Variants in CPEB1 observed in about 807,000 individuals in gnomAD.
The protein encoded by CPEB1 is cytoplasmic polyadenylation element binding protein 1, also known as cytoplasmic polyadenylation element-binding protein 1.
A neutral mutation model predicts 65.8 loss-of-function variants in CPEB1; 7 were observed. The ratio of observed to expected loss-of-function variants is 0.11; its 90% confidence interval spans 0.06 to 0.20. CPEB1 has a LOEUF of 0.20. Ranked by LOEUF, CPEB1 falls within the 10% of genes least tolerant of loss-of-function variation. The pLI, the probability that CPEB1 is intolerant of heterozygous loss-of-function variation, is 1.00. For missense variants in CPEB1, 551 were observed against 712.2 expected (o/e 0.77, Z 2.58); for synonymous variants, 262 against 260.0 (o/e 1.01, Z -0.08).
chr15:82,555,379 T>C (rs2037017281), intron 6 of CPEB1, among the ~76,000 whole-genome samples: 1 of 152,190 alleles, frequency 6.6e-6, no homozygotes, highest in African/African-American at 2.4e-5. Flanking sequence ...CTTTAGAGGT[T>C]GACAAATGGA....
intron 1 of CPEB1, chr15:82,637,865 G>T (rs2046789479): frequency 2.2e-5 from 8 of 355,644 alleles, no homozygotes; most frequent in South Asian, 1.8e-4. Context: ...AGCTTTTTGT[G>T]TAAGTAGGTC....
At chr15:82,641,786 A>G (rs191596206) in intron 1 of CPEB1, 1 of 152,142 alleles carries the variant, frequency 6.6e-6, no homozygotes, top group East Asian at 1.9e-4. Flanking sequence ...AAGGTTATCC[A>G]TGCCTAAGTG....
At chr15:82,547,336 G>C in intron 10 of CPEB1, 99 bp from the exon 11 acceptor site, 1 of 651,448 alleles carries the variant, frequency 1.5e-6, no homozygotes, top group Non-Finnish European at 2.4e-6. Context: ...TCGCTCTTTC[G>C]CCCAGGCTGG....
At chr15:82,544,972 C>CT (rs1204166375) in intron 12 of CPEB1, among the ~76,000 whole-genome samples, 1 of 152,202 alleles carries the variant, frequency 6.6e-6, no homozygotes, top group African/African-American at 2.4e-5. Context: ...CTCTTATCCC[C>CT]TCTAACCATG....
chr15:82,623,964 T>C (rs981120995), intron 3 of CPEB1, among the ~76,000 whole-genome samples: 2 of 152,224 alleles, frequency 1.3e-5, no homozygotes, highest in Non-Finnish European at 2.9e-5. Flanking sequence ...CTAGTTATAA[T>C]GCTGTCCATA....
At chr15:82,648,064 G>C (rs1018167062), upstream of CPEB1, 2 of 397,756 alleles carry the variant, frequency 5.0e-6, no homozygotes, top group African/African-American at 2.1e-5. Context: ...GGCCCCGCCC[G>C]GGCCCTCGCC....
rs542343002 is a variant in CPEB1, at chr15:82,552,446, C to A, written c.1281+34G>T. ...AATCCAGTGCCTCAATATTCCAAGACCCTCGATCCAGAAAGGACATCACGC... is the reference window on the plus strand; with the variant it reads ...AATCCAGTGCCTCAATATTCCAAGAACCTCGATCCAGAAAGGACATCACGC... On this transcript the variant is annotated intron_variant, in intron 9 of 12. Transcript: ENST00000684509. 305 of 1,514,968 alleles carry A rather than the reference C, an allele frequency of 2.0e-4. 2 individuals carry two copies. The South Asian group carries it at 3.5e-3, about 18-fold the overall frequency. 93.8% of individuals were successfully genotyped at this position (1,514,968 alleles called of 1,614,324 possible).
chr15:82,625,130 T>C (rs1006954044), intron 3 of CPEB1, among the ~76,000 whole-genome samples: 1 of 152,210 alleles, frequency 6.6e-6, no homozygotes, highest in Non-Finnish European at 1.5e-5. Context: ...CTGTCATTCT[T>C]ACTGGGACAT....
chr15:82,593,421 A>C (rs1290051068), intron 3 of CPEB1, among the ~76,000 whole-genome samples: 1 of 152,222 alleles, frequency 6.6e-6, no homozygotes, highest in East Asian at 1.9e-4. Context: ...CCCAAGTTTT[A>C]TCATGAGATT....
intron 1 of CPEB1, among the ~76,000 whole-genome samples, chr15:82,641,176 T>G (rs1157004383): frequency 6.6e-6 from 1 of 152,126 alleles, no homozygotes; most frequent in Non-Finnish European, 1.5e-5. Flanking sequence ...AAGTTATATG[T>G]AGGAGACAGG....
chr15:82,611,510 G>A (rs1005219366), intron 3 of CPEB1, among the ~76,000 whole-genome samples: 2 of 151,776 alleles, frequency 1.3e-5, no homozygotes, highest in Non-Finnish European at 2.9e-5. Context: ...TAATCTCAAC[G>A]CTTTGGGAGG....
chr15:82,609,178 A>G (rs2043901187), intron 3 of CPEB1, among the ~76,000 whole-genome samples: 1 of 152,232 alleles, frequency 6.6e-6, no homozygotes, highest in Non-Finnish European at 1.5e-5. Flanking sequence ...TGCAATGAAA[A>G]TAATACTTGG....
chr15:82,641,129 G>C (rs1002587920), intron 1 of CPEB1, among the ~76,000 whole-genome samples: 1 of 152,076 alleles, frequency 6.6e-6, no homozygotes, highest in Non-Finnish European at 1.5e-5. Context: ...ATGAAAAGAG[G>C]ATGTCAGAGA....
At chr15:82,574,687 C>T (rs1426676064) in intron 3 of CPEB1, among the ~76,000 whole-genome samples, 1 of 137,022 alleles carries the variant, frequency 7.3e-6, no homozygotes, top group African/African-American at 2.8e-5. Context: ...CGTGCCACTG[C>T]ACTCCAGCCT....
chr15:82,598,509 G>T (rs59713111), intron 3 of CPEB1, among the ~76,000 whole-genome samples: 254 of 152,140 alleles, frequency 1.7e-3, no homozygotes, highest in African/African-American at 5.9e-3. Flanking sequence ...AACAGGCTGG[G>T]CGCAGTGGTT....
In CPEB1 at chr15:82,549,515, T is replaced by C. The variant is rs368407272; in HGVS notation, c.1425A>G (p.Leu475=). Residue 475 remains leucine, a synonymous_variant, in exon 10 of 13, where the codon CTA becomes CTG. Transcript: ENST00000684509. ...AEALAAILND[L]FGGVVYAGID... The stretch of plus-strand genomic sequence containing the variant: ...TCCCGGCATACACCACTCCACCAAA[T>C]AGGTCGTTCAAGATGGCTGCCAGGG... 38 of 1,614,158 alleles carry C rather than the reference T, an allele frequency of 2.4e-5. No homozygotes were observed. The highest frequency in any genetic ancestry group is 2.1e-4 in the South Asian group (19 of 91,078).
chr15:82,575,835 C>A (rs369697352), intron 3 of CPEB1, among the ~76,000 whole-genome samples: 1 of 152,230 alleles, frequency 6.6e-6, no homozygotes. Context: ...GTAAATGGTA[C>A]ATCCACCTTG....
chr15:82,635,861 T>C (rs2046616921), intron 1 of CPEB1, among the ~76,000 whole-genome samples: 1 of 151,996 alleles, frequency 6.6e-6, no homozygotes, highest in Non-Finnish European at 1.5e-5. Context: ...AGAAAAAGCA[T>C]TAACACACAG....
At chr15:82,554,055 C>A in intron 6 of CPEB1, 64 bp from the exon 7 acceptor site, 1 of 951,504 alleles carries the variant, frequency 1.1e-6, no homozygotes, top group South Asian at 1.6e-5. Flanking sequence ...ACACTCTTCC[C>A]TGGGGTGAAC....
Sources: gnomAD v4.1 joint callset for allele counts (sites outside exome capture counted in the v4.1 genomes callset) on GRCh38, gnomAD v4.1.1 for gene constraint, MANE v1.5 for transcripts, NCBI Gene and HGNC (gene_info 2026-07-23, HGNC 2026-07-21) for gene names.